WWOX: variants seen among roughly 807,000 people sequenced by gnomAD.
WWOX encodes the protein WW domain-containing oxidoreductase.
WWOX carries 69 observed loss-of-function variants against 46.2 expected under a neutral mutation model. The ratio of observed to expected loss-of-function variants is 1.49; its 90% CI spans 1.23 to 1.82. The LOEUF is 1.82. WWOX is among the 40% of genes most tolerant of loss of function. WWOX has a pLI of 0.00. For synonymous variants in WWOX, 359 were observed against 202.6 expected (o/e 1.77, Z -6.56); for missense variants, 919 against 542.6 (o/e 1.69, Z -6.89).
At chr16:79,194,384 C>T (rs1267936050) in intron 8 of WWOX, among the ~76,000 whole-genome samples, 1 of 152,152 alleles carries the variant, frequency 6.6e-6, no homozygotes, top group Non-Finnish European at 1.5e-5. Context: ...CCTGGAACCC[C>T]TCTCAGTGAG....
chr16:78,416,275 T>G (rs1288160369), intron 6 of WWOX, among the ~76,000 whole-genome samples: 2 of 152,254 alleles, frequency 1.3e-5, no homozygotes, highest in Non-Finnish European at 2.9e-5. Context: ...TAGTCAAAAC[T>G]GAGCGCAATG....
rs28427340 is a variant in WWOX, at chr16:78,175,777, G to A, written c.516+11488G>A. Among the ~76,000 whole-genome samples, 640 of 152,314 alleles carry A rather than the reference G, an allele frequency of 4.2e-3. 5 individuals are homozygous for A. Among genetic ancestry groups the A allele is most frequent in the African/African-American group, 0.014 (601 of 41,574 alleles). ...AGATACCAAATGGTTACTGTTTTAA[G>A]CCACTATGCTCTGGGGGAATTTGTG... On this transcript the variant is annotated intron_variant, in intron 5 of 8. Coordinates refer to ENST00000566780, the MANE Select transcript of WWOX (RefSeq NM_016373.4).
chr16:78,653,670 G>C (rs2142150551), intron 8 of WWOX, among the ~76,000 whole-genome samples: 1 of 152,374 alleles, frequency 6.6e-6, no homozygotes, highest in Non-Finnish European at 1.5e-5. Flanking sequence ...AGAGGAGCAA[G>C]TGGAAAGAAC....
chr16:78,938,726 T>G (rs2151289968), intron 8 of WWOX, among the ~76,000 whole-genome samples: 1 of 152,240 alleles, frequency 6.6e-6, no homozygotes, highest in Non-Finnish European at 1.5e-5. Flanking sequence ...AGCCATATAG[T>G]CAGTGAATGA....
chr16:78,677,255 C>G (rs570774698), intron 8 of WWOX, among the ~76,000 whole-genome samples: 1 of 152,128 alleles, frequency 6.6e-6, no homozygotes, highest in African/African-American at 2.4e-5. Flanking sequence ...GGTCAGGCAG[C>G]TGTTTGACAG....
chr16:79,080,112 A>G (rs922027170), intron 8 of WWOX, among the ~76,000 whole-genome samples: 2 of 152,192 alleles, frequency 1.3e-5, no homozygotes, highest in Admixed American at 6.5e-5. Context: ...GAACCTTTCA[A>G]TCTAACTTAG....
At chr16:78,309,305 C>T (rs879853201) in intron 5 of WWOX, among the ~76,000 whole-genome samples, 9 of 152,200 alleles carry the variant, frequency 5.9e-5, no homozygotes, top group Non-Finnish European at 7.3e-5. Flanking sequence ...CTTTGTGAAC[C>T]TGGTGCTTTG....
chr16:78,511,833 G>A (rs887084224), intron 8 of WWOX, among the ~76,000 whole-genome samples: 2 of 152,208 alleles, frequency 1.3e-5, no homozygotes, highest in Non-Finnish European at 2.9e-5. Flanking sequence ...AGAAGGGTCT[G>A]CTGGAATGAG....
intron 8 of WWOX, among the ~76,000 whole-genome samples, chr16:79,015,938 A>G (rs768249004): frequency 7.2e-5 from 11 of 152,048 alleles, no homozygotes; most frequent in East Asian, 1.9e-4. Context: ...TTTAGTAGAG[A>G]CAGGATTTCG....
rs563601909 is a variant in WWOX at position 78,363,280 on chromosome 16, G to A, written c.517-23580G>A. The stretch of plus-strand genomic sequence containing the variant: ...ATGTGCAAGTTTGGGGCATTTTTGA[G>A]GGCTTTTTTTTTTGACGGGGTCTTA... On this transcript the variant is annotated intron_variant, in intron 5 of 8. Transcript: ENST00000566780. 2.7e-5 allele frequency among the ~76,000 whole-genome samples: 4 copies of A among 150,824 alleles called. No homozygotes were observed. The East Asian group carries it at 7.8e-4, about 29-fold the overall frequency.
At chr16:79,177,881 A>G (rs535448811) in intron 8 of WWOX, among the ~76,000 whole-genome samples, 1 of 152,228 alleles carries the variant, frequency 6.6e-6, no homozygotes, top group South Asian at 2.1e-4. Context: ...TAGGTAGCTT[A>G]TAAATAACAG....
intron 8 of WWOX, among the ~76,000 whole-genome samples, chr16:78,645,167 A>G (rs2046810101): frequency 6.6e-6 from 1 of 152,110 alleles, no homozygotes. Context: ...TTTCCTATCG[A>G]AGGGTTTTTT....
chr16:78,286,426 A>C (rs1358723289), intron 5 of WWOX, among the ~76,000 whole-genome samples: 2 of 152,234 alleles, frequency 1.3e-5, no homozygotes, highest in Non-Finnish European at 2.9e-5. Flanking sequence ...TGAAGGAAAC[A>C]ATCCTCTGAT....
intron 5 of WWOX, among the ~76,000 whole-genome samples, chr16:78,172,607 C>G (rs62033981): frequency 2.9e-4 from 42 of 143,232 alleles, no homozygotes; most frequent in Admixed American, 5.6e-4. Flanking sequence ...TTTTTTTTTC[C>G]TGGCCACCGC....
chr16:78,509,155 C>G (rs1051317158), intron 8 of WWOX, among the ~76,000 whole-genome samples: 6 of 152,164 alleles, frequency 3.9e-5, no homozygotes, highest in Non-Finnish European at 7.3e-5. Context: ...ATAATTGAAG[C>G]TTGCCGGGCA....
intron 8 of WWOX, among the ~76,000 whole-genome samples, chr16:79,026,038 C>T (rs777779626): frequency 2.6e-5 from 4 of 151,498 alleles, no homozygotes; most frequent in South Asian, 2.1e-4. Context: ...TGGTCCCAGG[C>T]GATCTGCCTG....
Position 78,746,030 on chromosome 16 carries a change from A to C in WWOX, c.1056+313278A>C, listed in dbSNP as rs557433054. ...GGGCCATAATCTGTATCCATCCACA[A>C]GGAGAGGTGGAGGGGGGCTACTCTA... On this transcript the variant is annotated intron_variant, in intron 8 of 8. Coordinates refer to ENST00000566780, the MANE Select transcript of WWOX (RefSeq NM_016373.4). 2.0e-5 allele frequency among the ~76,000 whole-genome samples: 3 copies of C among 152,278 alleles called. No individual in the cohort carries two copies. In the East Asian group the frequency reaches 5.8e-4, roughly 29 times the overall value.
intron 8 of WWOX, among the ~76,000 whole-genome samples, chr16:78,657,737 T>C (rs2047113923): frequency 6.6e-6 from 1 of 152,136 alleles, no homozygotes; most frequent in South Asian, 2.1e-4. Context: ...CGCAAATAAC[T>C]GCTTGAGGCT....
intron 5 of WWOX, among the ~76,000 whole-genome samples, chr16:78,376,437 A>G (rs2151925852): frequency 6.6e-6 from 1 of 152,314 alleles, no homozygotes; most frequent in South Asian, 2.1e-4. Context: ...TTGGGGCAGT[A>G]GGACTTTGGG....
Sources: allele counts gnomAD v4.1 joint callset (sites outside exome capture counted in the v4.1 genomes callset), GRCh38; gene constraint gnomAD v4.1.1; transcripts MANE v1.5; gene names NCBI Gene and HGNC (gene_info 2026-07-23, HGNC 2026-07-21).